CSMD1: variants seen among roughly 807,000 people sequenced by gnomAD.
CSMD1 encodes the protein CUB and Sushi multiple domains 1.
A neutral mutation model predicts 417.5 loss-of-function variants in CSMD1; 213 were observed. The ratio of observed to expected loss-of-function variants is 0.51; its 90% CI spans 0.46 to 0.57. The LOEUF is 0.57. CSMD1 is among the 20% of genes least tolerant of loss of function. CSMD1 has a pLI of 0.00. For synonymous variants in CSMD1, 2,862 were observed against 1,736.8 expected (o/e 1.65, Z -16.11); for missense variants, 6,923 against 4,529.7 (o/e 1.53, Z -15.17).
At chr8:3,122,748 C>T (rs1195003638) in intron 41 of CSMD1, among the ~76,000 whole-genome samples, 2 of 150,610 alleles carry the variant, frequency 1.3e-5, no homozygotes, top group African/African-American at 5.0e-5. Context: ...ATTCTCAGCT[C>T]CCCCGACCCC....
intron 1 of CSMD1, among the ~76,000 whole-genome samples, chr8:4,771,441 A>G (rs1393992050): frequency 1.3e-5 from 2 of 152,226 alleles, no homozygotes; most frequent in Non-Finnish European, 2.9e-5. Context: ...AAATCAAAAC[A>G]TTACTTTAAA....
At chr8:3,426,139 C>A (rs1257635604) in intron 12 of CSMD1, among the ~76,000 whole-genome samples, 8 of 152,146 alleles carry the variant, frequency 5.3e-5, no homozygotes, top group Non-Finnish European at 8.8e-5. Flanking sequence ...TTGTATTGTC[C>A]TATCCCTAAT....
chr8:3,782,969 A>T (rs1027539428), intron 5 of CSMD1, among the ~76,000 whole-genome samples: 13 of 152,220 alleles, frequency 8.5e-5, no homozygotes, highest in African/African-American at 2.9e-4. Context: ...TTGTAGGTAC[A>T]GGATTGTTAG....
chr8:4,532,156 C>CA (rs71209104), intron 2 of CSMD1, among the ~76,000 whole-genome samples: 144,409 of 146,494 alleles, frequency 0.99, 71,228 homozygotes, highest in Non-Finnish European at 1. Flanking sequence ...CATTCACAGT[C>CA]CTCCAGAAAA....
intron 3 of CSMD1, among the ~76,000 whole-genome samples, chr8:4,202,004 T>G (rs1799679025): frequency 6.6e-6 from 1 of 151,982 alleles, no homozygotes; most frequent in South Asian, 2.1e-4. Context: ...ATGATTATAC[T>G]CTGGATGAGA....
At chr8:3,140,603 G>C (rs1189299940) in intron 41 of CSMD1, among the ~76,000 whole-genome samples, 1 of 151,580 alleles carries the variant, frequency 6.6e-6, no homozygotes, top group Admixed American at 6.6e-5. Flanking sequence ...TATTTTAGGT[G>C]AGACTACACA....
intron 3 of CSMD1, among the ~76,000 whole-genome samples, chr8:4,213,030 G>T (rs187771627): frequency 2.0e-5 from 3 of 152,018 alleles, no homozygotes; most frequent in Non-Finnish European, 4.4e-5. Flanking sequence ...TTAAAACTGA[G>T]TTACTAATTT....
At chr8:3,173,425 T>C (rs760984404) in intron 37 of CSMD1, among the ~76,000 whole-genome samples, 6 of 152,172 alleles carry the variant, frequency 3.9e-5, no homozygotes, top group Non-Finnish European at 5.9e-5. Context: ...TAATCTTTGA[T>C]TGATATTAAT....
chr8:3,107,637 T>C, intron 45 of CSMD1, 81 bp downstream of exon 45: 1 of 789,276 alleles, frequency 1.3e-6, no homozygotes, highest in Non-Finnish European at 2.1e-6. Context: ...CATTAACTTG[T>C]CTGAGTAATG....
intron 3 of CSMD1, among the ~76,000 whole-genome samples, chr8:4,173,233 AGCTTGTCTCAC>A (rs1797863529): frequency 6.6e-6 from 1 of 152,212 alleles, no homozygotes; most frequent in Admixed American, 6.5e-5. Context: ...CTTTAATGCA[AGCTTGTCTCAC>A]GCAACATTTG....
At chr8:4,250,474 C>G (rs889686613) in intron 3 of CSMD1, among the ~76,000 whole-genome samples, 3 of 152,054 alleles carry the variant, frequency 2.0e-5, no homozygotes, top group Non-Finnish European at 4.4e-5. Context: ...GTCCACGTGA[C>G]TTGGTATTCT....
At chr8:4,292,142 G>A (rs1487592324) in intron 3 of CSMD1, among the ~76,000 whole-genome samples, 1 of 152,174 alleles carries the variant, frequency 6.6e-6, no homozygotes, top group Admixed American at 6.5e-5. Context: ...AAAGAAATAT[G>A]AAAATGACCC....
intron 26 of CSMD1, among the ~76,000 whole-genome samples, chr8:3,265,057 G>C (rs1801334455): frequency 6.6e-6 from 1 of 152,172 alleles, no homozygotes; most frequent in African/African-American, 2.4e-5. Flanking sequence ...GGGCACTTCA[G>C]AAGGCAATTC....
At chr8:3,079,804 G>T (rs1227044905) in intron 49 of CSMD1, among the ~76,000 whole-genome samples, 2 of 151,786 alleles carry the variant, frequency 1.3e-5, no homozygotes, top group African/African-American at 4.9e-5. Flanking sequence ...CTGAGATAAT[G>T]AGGCATTTTT....
intron 52 of CSMD1, among the ~76,000 whole-genome samples, chr8:3,013,848 T>TA (rs1213131278): frequency 2.6e-5 from 4 of 151,978 alleles, no homozygotes; most frequent in Non-Finnish European, 4.4e-5. Context: ...CTTAAACTAT[T>TA]AAAAAACTGA....
chr8:4,100,295 G>A (rs146314957), intron 3 of CSMD1, among the ~76,000 whole-genome samples: 58 of 152,178 alleles, frequency 3.8e-4, no homozygotes, highest in African/African-American at 1.3e-3. Flanking sequence ...TATCTTATTA[G>A]TATCTTTTAC....
At chr8:3,442,781 ACCATTAAG>A (rs1563394296) in intron 12 of CSMD1, among the ~76,000 whole-genome samples, 4 of 152,150 alleles carry the variant, frequency 2.6e-5, no homozygotes, top group Non-Finnish European at 5.9e-5. Flanking sequence ...TCTATTTGCT[ACCATTAAG>A]AATTTTTGTG....
intron 3 of CSMD1, among the ~76,000 whole-genome samples, chr8:4,234,813 G>C (rs977627821): frequency 6.6e-6 from 1 of 152,058 alleles, no homozygotes; most frequent in African/African-American, 2.4e-5. Context: ...ACTGGTGGTT[G>C]GAGAGATAAG....
At chr8:3,315,577 A>T (rs992631104) in intron 23 of CSMD1, among the ~76,000 whole-genome samples, 1 of 151,980 alleles carries the variant, frequency 6.6e-6, no homozygotes, top group Non-Finnish European at 1.5e-5. Flanking sequence ...AATTTTTCCC[A>T]TATATTAAGT....
Sources: allele counts gnomAD v4.1 joint callset (sites outside exome capture counted in the v4.1 genomes callset), GRCh38; gene constraint gnomAD v4.1.1; transcripts MANE v1.5; gene names NCBI Gene and HGNC (gene_info 2026-07-23, HGNC 2026-07-21).